SNX8: variants seen among roughly 807,000 people sequenced by gnomAD.
The protein encoded by SNX8 is sorting nexin-8.
SNX8 carries 25 observed loss-of-function variants against 51.6 expected under a neutral mutation model. That is an observed-to-expected ratio of 0.48 (90% confidence interval 0.35 to 0.68). The LOEUF (loss-of-function observed/expected upper bound fraction) is 0.68, where lower values mean the gene tolerates loss of function less well. Among genes scored for constraint, SNX8 ranks in the 30% least tolerant of loss-of-function variants. The probability of loss-of-function intolerance (pLI) is 0.00; values close to 1 mark genes in which losing one functional copy is unlikely to be tolerated. For synonymous variants in SNX8, 324 were observed against 277.0 expected, an observed-to-expected ratio of 1.17 and a Z score of -1.68; for missense variants, 695 against 624.0, an observed-to-expected ratio of 1.11 and a Z score of -1.21.
chr7:2,267,686 C>A (rs1341834558), intron 5 of SNX8, among the ~76,000 whole-genome samples: 1 of 149,398 alleles, frequency 6.7e-6, no homozygotes, highest in Non-Finnish European at 1.5e-5. Flanking sequence ...CAGCCGCCTG[C>A]CTTGGCCTCC....
intron 6 of SNX8, among the ~76,000 whole-genome samples, chr7:2,263,621 C>T (rs1452306204): frequency 6.6e-6 from 1 of 152,220 alleles, no homozygotes; most frequent in Non-Finnish European, 1.5e-5. Context: ...GTGACGGGCA[C>T]TGCTGGGGCA....
Position 2,275,132 on chromosome 7 carries a change from G to T in SNX8, c.398C>A (p.Pro133Gln), listed in dbSNP as rs763876558. 6.2e-7 allele frequency: 1 copy of T among 1,613,102 alleles called. No homozygotes were observed. The highest frequency in any genetic ancestry group is 1.1e-5 in the South Asian group (1 of 91,062). Reference sequence around the variant, plus strand: ...TTTACCTCCCAGCATTCTCTTGGGTGGCAGGGCAGGCACCATACGGTAGGG... The same window carrying T: ...TTTACCTCCCAGCATTCTCTTGGGTTGCAGGGCAGGCACCATACGGTAGGG... The part of the protein sequence containing the change: ...KFPYRMVPAL[P>Q]PKRMLGADRE... The change falls in exon 3 of 11, where the codon CCA becomes CAA. Residue 133 changes from proline to glutamine, a missense_variant. By Grantham distance (76) the Pro-to-Gln change is moderately conservative (BLOSUM62 -1). Transcript: ENST00000222990.
intron 1 of SNX8, among the ~76,000 whole-genome samples, chr7:2,290,567 T>A (rs1796128585): frequency 6.6e-6 from 1 of 152,138 alleles, no homozygotes; most frequent in Admixed American, 6.6e-5. Context: ...TAAATAAACA[T>A]CTGCTGAATG....
chr7:2,264,594 C>G, intron 5 of SNX8, 136 bp from the exon 6 acceptor site: 1 of 703,420 alleles, frequency 1.4e-6, no homozygotes, highest in Non-Finnish European at 2.4e-6. Flanking sequence ...CCCCACTCCT[C>G]CAGGCCTGCA....
intron 1 of SNX8, among the ~76,000 whole-genome samples, chr7:2,345,795 GTATTATTTCT>G (rs894113978): frequency 2.0e-5 from 3 of 152,016 alleles, no homozygotes; most frequent in Non-Finnish European, 2.9e-5. Context: ...TGGGCAAAGG[GTATTATTTCT>G]TATTTTTGTT....
chr7:2,344,436 C>A (rs997493459), intron 1 of SNX8, among the ~76,000 whole-genome samples: 1 of 147,532 alleles, frequency 6.8e-6, no homozygotes, highest in Non-Finnish European at 1.5e-5. Context: ...ATGGTGAAAC[C>A]CCGTCTCTAC....
At chr7:2,257,887 G>T in intron 7 of SNX8, 84 bp from the exon 8 acceptor site, 1 of 1,350,610 alleles carries the variant, frequency 7.4e-7, no homozygotes, top group Non-Finnish European at 1.1e-6. Context: ...GCCTGGCCTG[G>T]GCCGGTTCCT....
In SNX8 at chr7:2,256,840, GGCCGAGACGGCGGCCGGA is replaced by G; in HGVS notation, c.1284+16_1284+33del. 2 of 1,591,594 alleles carry G rather than the reference GGCCGAGACGGCGGCCGGA, an allele frequency of 1.3e-6. No homozygotes were observed. The highest frequency in any genetic ancestry group is 1.7e-6 in the Non-Finnish European group (2 of 1,166,786). On this transcript the variant is annotated intron_variant, in intron 10 of 10. Transcript: ENST00000222990. ...GGGCGGAGGGACAAAGAAAGGCCGT[GGCCGAGACGGCGGCCGGA>G]GCAGGGCGGACTCACCTCCTTGTGC...
At position 2,271,082 on chromosome 7, in the gene SNX8, C is replaced by T. The variant is rs375662689; in HGVS notation, c.540+768G>A. Among the ~76,000 whole-genome samples, 223 of 152,298 alleles carry T rather than the reference C, an allele frequency of 1.5e-3. 5 individuals are homozygous for T. The South Asian group carries it at 0.045, about 30-fold the overall frequency. ...TTTTTGAGACAGGGTCTCACTCTGT[C>T]GCCCAGGCTGGAGTGCAGTGGCACA... On this transcript the variant is annotated intron_variant, in intron 4 of 10. Transcript: ENST00000222990.
chr7:2,334,691 C>G (rs1040782429), intron 1 of SNX8, among the ~76,000 whole-genome samples: 5 of 151,182 alleles, frequency 3.3e-5, no homozygotes, highest in African/African-American at 1.2e-4. Flanking sequence ...CAGAGAGAGA[C>G]TCGGTCTCAA....
At chr7:2,301,684 T>A (rs1389286217) in intron 1 of SNX8, among the ~76,000 whole-genome samples, 1 of 152,194 alleles carries the variant, frequency 6.6e-6, no homozygotes, top group Non-Finnish European at 1.5e-5. Context: ...GTTGCCATGG[T>A]GATGGTAAAC....
intron 4 of SNX8, among the ~76,000 whole-genome samples, chr7:2,269,949 C>T (rs566631368): frequency 1.3e-5 from 2 of 152,102 alleles, no homozygotes; most frequent in African/African-American, 2.4e-5. Flanking sequence ...AGACCAGGGG[C>T]GGCTCTGCAG....
At chr7:2,302,369 G>A (rs1200242978) in intron 1 of SNX8, among the ~76,000 whole-genome samples, 1 of 152,268 alleles carries the variant, frequency 6.6e-6, no homozygotes, top group Non-Finnish European at 1.5e-5. Flanking sequence ...CTCCCGAGGT[G>A]CCGGGATTGC....
chr7:2,342,175 G>A (rs1778941251), intron 1 of SNX8, among the ~76,000 whole-genome samples: 1 of 150,938 alleles, frequency 6.6e-6, no homozygotes, highest in Non-Finnish European at 1.5e-5. Context: ...GGGAAACGCT[G>A]TCTCAAAAAA....
intron 1 of SNX8, among the ~76,000 whole-genome samples, chr7:2,305,671 TA>T (rs1796529267): frequency 1.3e-5 from 2 of 151,848 alleles, no homozygotes; most frequent in South Asian, 4.2e-4. Flanking sequence ...GCCTGTATTG[TA>T]TTATTTTGTA....
intron 1 of SNX8, among the ~76,000 whole-genome samples, chr7:2,279,356 G>A (rs549047028): frequency 1.1e-4 from 17 of 151,844 alleles, no homozygotes; most frequent in African/African-American, 3.1e-4. Context: ...CGGAGTCGAC[G>A]CTGGACTCAC....
chr7:2,264,123 C>T (rs373132690), intron 6 of SNX8, among the ~76,000 whole-genome samples, 175 bp downstream of exon 6: 40 of 152,240 alleles, frequency 2.6e-4, no homozygotes, highest in African/African-American at 8.2e-4. Context: ...GAAATTCTCC[C>T]GTGTTTCTTC....
chr7:2,272,666 G>A (rs1795677992), intron 3 of SNX8, among the ~76,000 whole-genome samples: 2 of 151,610 alleles, frequency 1.3e-5, no homozygotes, highest in South Asian at 2.1e-4. Context: ...GTAAGCCACC[G>A]CGCCCGGCCG....
At chr7:2,345,687 A>AG (rs1779008569) in intron 1 of SNX8, among the ~76,000 whole-genome samples, 1 of 151,916 alleles carries the variant, frequency 6.6e-6, no homozygotes, top group Admixed American at 6.6e-5. Context: ...GTCCAAAAAA[A>AG]AAAAAGAAGA....
Sources: allele counts gnomAD v4.1 joint callset (sites outside exome capture counted in the v4.1 genomes callset), GRCh38; gene constraint gnomAD v4.1.1; transcripts MANE v1.5; gene names NCBI Gene and HGNC (gene_info 2026-07-23, HGNC 2026-07-21).